The following CAMKK1 variants were observed in gnomAD, a reference collection of about 807,000 sequenced individuals.
The protein encoded by CAMKK1 is calcium/calmodulin dependent protein kinase kinase 1, also known as calcium/calmodulin-dependent protein kinase kinase 1.
In CAMKK1, 20 loss-of-function variants were observed where a neutral mutation model predicts 63.5. That is an observed-to-expected ratio of 0.32 (90% CI 0.22 to 0.46). CAMKK1 has a LOEUF of 0.46. Ranked by LOEUF, CAMKK1 falls within the 20% of genes least tolerant of loss-of-function variation. The probability of loss-of-function intolerance (pLI) is 1.00; values close to 1 mark genes in which losing one functional copy is unlikely to be tolerated. For missense variants in CAMKK1, 588 were observed against 658.1 expected (o/e 0.89, Z 1.17); for synonymous variants, 253 against 269.0 (o/e 0.94, Z 0.58).
chr17:3,890,812 C>T lies in CAMKK1; in HGVS notation c.-44+2127G>A. On this transcript the variant is annotated intron_variant, in intron 1 of 15. Transcript: ENST00000348335. This position sits in a 1 kb window ranked among gnomAD's most constrained non-coding sequence, Gnocchi z 6.5. Reference sequence around the variant, plus strand: ...TCCCTCTCCTCTGCTGCCTGGAGGACAGCTCAGACATCGCCTCTTCTGAGC... The same window carrying T: ...TCCCTCTCCTCTGCTGCCTGGAGGATAGCTCAGACATCGCCTCTTCTGAGC... The T allele has an allele frequency of 1.3e-6, 1 of 779,142 alleles. No homozygotes were observed. Among genetic ancestry groups the T allele is most frequent in the Non-Finnish European group, 2.4e-6 (1 of 417,560 alleles). 48.3% of individuals were successfully genotyped at this position (779,142 alleles called of 1,614,324 possible).
At position 3,879,737 on chromosome 17, in the gene CAMKK1, C is replaced by T. The variant is rs1405622529; in HGVS notation, c.796+609G>A. On this transcript the variant is annotated intron_variant, in intron 9 of 15. Coordinates refer to ENST00000348335, the MANE Select transcript of CAMKK1 (RefSeq NM_032294.3). The surrounding 1 kb of genome is among the most constrained non-coding windows in gnomAD (Gnocchi z 4.5). ...AGACTTCCCCAGCCCCCCGGCACTC[C>T]TACAGCCTCTAGGCTCCCCAGCCTT... is the stretch of plus-strand genomic sequence containing the variant. The T allele has an allele frequency of 6.5e-6, 1 of 152,888 alleles. No individual in the cohort carries two copies. Among genetic ancestry groups the T allele is most frequent in the African/African-American group, 2.4e-5 (1 of 41,462 alleles). 9.5% of individuals were successfully genotyped at this position (152,888 alleles called of 1,614,324 possible). A position where few individuals can be genotyped will look rare whatever the true frequency, so the allele number is the denominator to read the frequency against.
intron 14 of CAMKK1, among the ~76,000 whole-genome samples, chr17:3,869,174 G>A (rs979416220): frequency 1.7e-4 from 25 of 151,084 alleles, no homozygotes; most frequent in Admixed American, 1.5e-3. Context: ...TTCAAGGATG[G>A]TCTCGATCTC....
rs750905815 is a variant in CAMKK1, at chr17:3,877,624, G to T, written c.797-1202C>A. On this transcript the variant is annotated intron_variant, in intron 9 of 15. Transcript: ENST00000348335. ...GAGGAAGGGAGAAGAGGAGAGGGAG[G>T]CTGCGGGCAGAGAAGGCGGGTGCCG... 2.6e-5 allele frequency among the ~76,000 whole-genome samples: 4 copies of T among 152,318 alleles called. No individual in the cohort carries two copies. The East Asian group carries it at 7.7e-4, about 29-fold the overall frequency.
intron 8 of CAMKK1, among the ~76,000 whole-genome samples, chr17:3,881,301 G>A (rs537883691): frequency 1.3e-5 from 2 of 152,304 alleles, no homozygotes; most frequent in African/African-American, 4.8e-5. Context: ...TTTGAATACC[G>A]GTAAGAGTTG....
At chr17:3,875,463 T>A (rs1003019799) in intron 10 of CAMKK1, among the ~76,000 whole-genome samples, 1 of 152,034 alleles carries the variant, frequency 6.6e-6, no homozygotes, top group Non-Finnish European at 1.5e-5. Context: ...TTTATTTTTT[T>A]TTTTGTAGAA....
At position 3,879,959 on chromosome 17, in the gene CAMKK1, C is replaced by G. The variant is rs908882279; in HGVS notation, c.796+387G>C. ...AGGGCCCCTCACAGGTAAATCCACCCTGCCACCATGCCCCGGCCCCATGCC... is the reference window on the plus strand; with the variant it reads ...AGGGCCCCTCACAGGTAAATCCACCGTGCCACCATGCCCCGGCCCCATGCC... On this transcript the variant is annotated intron_variant, in intron 9 of 15. Transcript: ENST00000348335. The surrounding 1 kb of genome is among the most constrained non-coding windows in gnomAD (Gnocchi z 4.5). 1.7e-5 allele frequency: 4 copies of G among 233,288 alleles called. No homozygotes were observed. The East Asian group carries it at 3.3e-4, about 19-fold the overall frequency. The allele number at this position is 233,288 out of a possible 1,614,324, so 14.5% of individuals were successfully genotyped here.
intron 12 of CAMKK1, among the ~76,000 whole-genome samples, chr17:3,870,127 G>A (rs2054775520): frequency 2.6e-5 from 4 of 152,144 alleles, no homozygotes; most frequent in Admixed American, 1.3e-4. Flanking sequence ...TGGCAAAGAT[G>A]GTGAGGAGAG....
In CAMKK1 at chr17:3,883,957, A is replaced by G. The variant is rs1235198693; in HGVS notation, c.409-20T>C. On this transcript the variant is annotated intron_variant, in intron 3 of 15. Transcript: ENST00000348335. The surrounding 1 kb of genome is among the most constrained non-coding windows in gnomAD (Gnocchi z 4.7). Reference sequence around the variant, plus strand: ...GGCACCCTGCAGATAGGCATCAGTCAGCCCCACCTGGACAGGGCAACCCCT... The same window carrying G: ...GGCACCCTGCAGATAGGCATCAGTCGGCCCCACCTGGACAGGGCAACCCCT... 1 of 1,612,934 alleles carries G rather than the reference A, an allele frequency of 6.2e-7. No individual in the cohort carries two copies. The highest frequency in any genetic ancestry group is 1.7e-5 in the Admixed American group (1 of 59,978).
Position 3,861,960 on chromosome 17 carries a change from T to C in CAMKK1, c.*251A>G, listed in dbSNP as rs1202090001. 1 of 523,424 alleles carries C rather than the reference T, an allele frequency of 1.9e-6. No homozygotes were observed. Among genetic ancestry groups the C allele is most frequent in the African/African-American group, 1.9e-5 (1 of 52,378 alleles). 32.4% of individuals were successfully genotyped at this position (523,424 alleles called of 1,614,324 possible). ...GCACCCGGTTTCCCCACAGAATGGGTCAGGCCAAGGAGGTCCAAGAAGAGG... is the reference window on the plus strand; with the variant it reads ...GCACCCGGTTTCCCCACAGAATGGGCCAGGCCAAGGAGGTCCAAGAAGAGG... On this transcript the variant is annotated 3_prime_UTR_variant, in exon 16 of 16. Coordinates refer to ENST00000348335, the MANE Select transcript of CAMKK1 (RefSeq NM_032294.3).
Position 3,884,591 on chromosome 17 carries a change from G to T in CAMKK1, c.361-164C>A, listed in dbSNP as rs149770021. On this transcript the variant is annotated intron_variant, in intron 2 of 15. Transcript: ENST00000348335. The surrounding 1 kb of genome is among the most constrained non-coding windows in gnomAD (Gnocchi z 4.5). ...GGATGGGGAAGTTGGTGGTGCCATC[G>T]CCCCCGTATGTGACGAGAAGACGTG... 2.0e-5 allele frequency among the ~76,000 whole-genome samples: 3 copies of T among 152,184 alleles called. No individual in the cohort carries two copies. Among genetic ancestry groups the T allele is most frequent in the African/African-American group, 7.2e-5 (3 of 41,432 alleles).
At chr17:3,869,253 G>A (rs548017178) in intron 14 of CAMKK1, among the ~76,000 whole-genome samples, 18 of 152,316 alleles carry the variant, frequency 1.2e-4, no homozygotes, top group East Asian at 7.7e-4. Context: ...CACCGCGCCC[G>A]GCCCCACGCC....
At position 3,883,997 on chromosome 17, in the gene CAMKK1, A is replaced by C; in HGVS notation, c.409-60T>G. The C allele has an allele frequency of 4.5e-6, 7 of 1,551,034 alleles. No individual in the cohort carries two copies. Among genetic ancestry groups the C allele is most frequent in the Non-Finnish European group, 6.2e-6 (7 of 1,127,002 alleles). ...GGGCAACCCCTCCCAGGACCAGCTC[A>C]GGAGGTGGGGAGCCGAGCAGCTCTG... On this transcript the variant is annotated intron_variant, in intron 3 of 15. Coordinates refer to ENST00000348335, the MANE Select transcript of CAMKK1 (RefSeq NM_032294.3). This position sits in a 1 kb window ranked among gnomAD's most constrained non-coding sequence, Gnocchi z 4.7.
intron 7 of CAMKK1, 86 bp from the exon 8 acceptor site, chr17:3,881,734 AG>A: frequency 1.6e-6 from 2 of 1,277,456 alleles, no homozygotes; most frequent in Non-Finnish European, 2.2e-6. Flanking sequence ...AGGGTAGGAG[AG>A]GGGGCAGGCA....
At position 3,890,852 on chromosome 17, in the gene CAMKK1, C is replaced by T. The variant is rs1003584996; in HGVS notation, c.-44+2087G>A. 22 of 752,176 alleles carry T rather than the reference C, an allele frequency of 2.9e-5. No individual in the cohort carries two copies. Among genetic ancestry groups the T allele is most frequent in the African/African-American group, 1.5e-4 (9 of 58,586 alleles). 46.6% of individuals were successfully genotyped at this position (752,176 alleles called of 1,614,324 possible). A position where few individuals can be genotyped will look rare whatever the true frequency, so the allele number is the denominator to read the frequency against. On this transcript the variant is annotated intron_variant, in intron 1 of 15. Coordinates refer to ENST00000348335, the MANE Select transcript of CAMKK1 (RefSeq NM_032294.3). The surrounding 1 kb of genome is among the most constrained non-coding windows in gnomAD (Gnocchi z 6.5). ...CTCTTCTGAGCCCTCCTTGATCTCC[C>T]CACTACCTGCTGGGTGAGCTCACCA...
At position 3,860,618 on chromosome 17, in the gene CAMKK1, G is replaced by GT. The variant is rs930217031; in HGVS notation, c.*1592dup. ...CTCTATAAAAGTGTTCTTAAAAACA[G>GT]TACCGAGTAACTTTTTAAGCTTCGG... is the stretch of plus-strand genomic sequence containing the variant. On this transcript the variant is annotated 3_prime_UTR_variant, in exon 16 of 16. Coordinates refer to ENST00000348335, the MANE Select transcript of CAMKK1 (RefSeq NM_032294.3). 6.6e-6 allele frequency: 1 copy of GT among 152,298 alleles called. No homozygotes were observed. Among genetic ancestry groups the GT allele is most frequent in the Non-Finnish European group, 1.5e-5 (1 of 68,048 alleles). The allele number at this position is 152,298 out of a possible 1,614,324, so 9.4% of individuals were successfully genotyped here. A position where few individuals can be genotyped will look rare whatever the true frequency, so the allele number is the denominator to read the frequency against.
At chr17:3,866,326 C>A (rs1291894872) in intron 14 of CAMKK1, among the ~76,000 whole-genome samples, 1 of 152,222 alleles carries the variant, frequency 6.6e-6, no homozygotes, top group African/African-American at 2.4e-5. Context: ...GATACCTTCT[C>A]GCTACGGCAG....
At chr17:3,871,342 T>G (rs1567617985) in intron 12 of CAMKK1, among the ~76,000 whole-genome samples, 3 of 75,548 alleles carry the variant, frequency 4.0e-5, no homozygotes, top group Non-Finnish European at 5.0e-5. Flanking sequence ...TGTTTTTTTT[T>G]TTTTGTTTTT....
chr17:3,865,370 A>T (rs746318958), intron 15 of CAMKK1: 38 of 988,472 alleles, frequency 3.8e-5, no homozygotes, highest in Non-Finnish European at 4.6e-5. Flanking sequence ...AGCACTCACA[A>T]AGTGCTGACT....
intron 1 of CAMKK1, among the ~76,000 whole-genome samples, chr17:3,888,785 G>A (rs972264230): frequency 6.6e-6 from 1 of 152,138 alleles, no homozygotes; most frequent in Non-Finnish European, 1.5e-5. Flanking sequence ...GGAGGCGGCC[G>A]GCCGGGGAGG....
Sources: allele counts gnomAD v4.1 joint callset (sites outside exome capture counted in the v4.1 genomes callset), GRCh38; gene constraint gnomAD v4.1.1; non-coding constraint Gnocchi (gnomAD v3.1); transcripts MANE v1.5; gene names NCBI Gene and HGNC (gene_info 2026-07-23, HGNC 2026-07-21).